SVEP1: variants seen among roughly 807,000 people sequenced by gnomAD.
The protein encoded by SVEP1 is sushi, von Willebrand factor type A, EGF and pentraxin domain-containing protein 1.
A neutral mutation model predicts 367.3 loss-of-function variants in SVEP1; 164 were observed. The ratio of observed to expected loss-of-function variants is 0.45; its 90% CI spans 0.39 to 0.51. The LOEUF is 0.51. Among genes scored for constraint, SVEP1 ranks in the 20% least tolerant of loss-of-function variants. SVEP1 has a pLI of 0.00. For missense variants in SVEP1, 4,117 were observed against 4,425.3 expected (o/e 0.93, Z 1.98); for synonymous variants, 1,666 against 1,611.6 (o/e 1.03, Z -0.81).
Position 110,366,489 on chromosome 9 carries a change from C to G in SVEP1, c.*50G>C, listed in dbSNP as rs375581243. On this transcript the variant is annotated 3_prime_UTR_variant, in exon 48 of 48. Coordinates refer to ENST00000374469, the MANE Select transcript of SVEP1 (RefSeq NM_153366.4). ...TAAGTTCCAGGATGCCCAGGCACTACCGAGGAGAGATGATCCTGCTTTTGG... is the reference window on the plus strand; with the variant it reads ...TAAGTTCCAGGATGCCCAGGCACTAGCGAGGAGAGATGATCCTGCTTTTGG... The G allele has an allele frequency of 5.0e-5, 77 of 1,528,490 alleles. No homozygotes were observed. In the African/African-American group the frequency reaches 1.0e-3, roughly 20 times the overall value. 94.7% of individuals were successfully genotyped at this position (1,528,490 alleles called of 1,614,324 possible). A position where few individuals can be genotyped will look rare whatever the true frequency, so the allele number is the denominator to read the frequency against.
Position 110,366,666 on chromosome 9 carries a change from T to C in SVEP1, c.10695-106A>G, listed in dbSNP as rs983196363. The C allele has an allele frequency of 2.2e-5, 24 of 1,112,108 alleles. No homozygotes were observed. In the African/African-American group the frequency reaches 3.7e-4, roughly 17 times the overall value. The allele number at this position is 1,112,108 out of a possible 1,614,324, so 68.9% of individuals were successfully genotyped here. On this transcript the variant is annotated intron_variant, in intron 47 of 47. Coordinates refer to ENST00000374469, the MANE Select transcript of SVEP1 (RefSeq NM_153366.4). ...TGAAAACAGGATTGAAAGTCCCAGA[T>C]ACCTGGGCATTATCTGTGATGTTTA...
At position 110,557,149 on chromosome 9, in the gene SVEP1, A is replaced by T. The variant is rs1327196104; in HGVS notation, c.532-7045T>A. Among the ~76,000 whole-genome samples the T allele has an allele frequency of 2.0e-5, 3 of 152,314 alleles. No homozygotes were observed. In the East Asian group the frequency reaches 5.8e-4, roughly 29 times the overall value. ...ATTTAACATTATTTATGGGAAAAGA[A>T]TCTATTCTGTTCATTGTTTTCTGGA... On this transcript the variant is annotated intron_variant, in intron 1 of 47. Coordinates refer to ENST00000374469, the MANE Select transcript of SVEP1 (RefSeq NM_153366.4).
At position 110,407,515 on chromosome 9, in the gene SVEP1, A is replaced by G. The variant is rs749152132; in HGVS notation, c.8085T>C (p.Pro2695=). The stretch of plus-strand genomic sequence containing the variant: ...TTCCATCTTCCTGGCAGATCAGCAC[A>G]GGGTTCCCCAGAAGTTCATATCCTG... The part of the protein sequence containing the change: ...CNPGYELLGN[P]VLICQEDGTW... Residue 2695 remains proline, a synonymous_variant, in exon 38 of 48, where the codon CCT becomes CCC. Transcript: ENST00000374469. 1.2e-6 allele frequency: 2 copies of G among 1,614,012 alleles called. No homozygotes were observed. Among genetic ancestry groups the G allele is most frequent in the East Asian group, 4.5e-5 (2 of 44,878 alleles).
intron 42 of SVEP1, among the ~76,000 whole-genome samples, 167 bp from the exon 43 acceptor site, chr9:110,386,241 C>T (rs1015492514): frequency 2.6e-5 from 4 of 152,118 alleles, no homozygotes; most frequent in Non-Finnish European, 5.9e-5. Context: ...TTTGCATCCT[C>T]ATGAAATTAT....
At position 110,558,308 on chromosome 9, in the gene SVEP1, G is replaced by A. The variant is rs2118865827; in HGVS notation, c.532-8204C>T. Among the ~76,000 whole-genome samples the A allele has an allele frequency of 1.5e-5, 2 of 137,210 alleles. 1 individual carries two copies. The highest frequency in any genetic ancestry group is 4.9e-4 in the South Asian group (2 of 4,090). 90.0% of individuals were successfully genotyped at this position (137,210 alleles called of 152,430 possible). ...GCCCAGGAGTTCAAGACCAGGCTGG[G>A]CAACATGGAGAAACCCTGTCTCTAC... On this transcript the variant is annotated intron_variant, in intron 1 of 47. Transcript: ENST00000374469.
At chr9:110,395,240 T>C (rs1827738340) in intron 40 of SVEP1, among the ~76,000 whole-genome samples, 1 of 152,150 alleles carries the variant, frequency 6.6e-6, no homozygotes, top group African/African-American at 2.4e-5. Context: ...GAATTTCATA[T>C]CCAGCCAAAC....
At chr9:110,513,164 CTT>C (rs371135144) in intron 4 of SVEP1, 59 bp from the exon 5 acceptor site, 913 of 1,130,522 alleles carry the variant, frequency 8.1e-4, no homozygotes, top group Admixed American at 1.2e-3. Context: ...ATGACATATC[CTT>C]TTTTTTTTTT....
chr9:110,483,167 G>C (rs1829221653), intron 10 of SVEP1, among the ~76,000 whole-genome samples: 1 of 152,080 alleles, frequency 6.6e-6, no homozygotes, highest in Non-Finnish European at 1.5e-5. Context: ...AATTGTATTT[G>C]CTTAGTTTTT....
At chr9:110,507,406 CTGTT>C (rs915123830) in intron 5 of SVEP1, among the ~76,000 whole-genome samples, 2 of 152,202 alleles carry the variant, frequency 1.3e-5, no homozygotes, top group Non-Finnish European at 2.9e-5. Context: ...ATTGAAGTCA[CTGTT>C]TGAATTTATT....
intron 35 of SVEP1, among the ~76,000 whole-genome samples, chr9:110,428,799 G>A (rs1588048444): frequency 6.6e-6 from 1 of 152,122 alleles, no homozygotes. Flanking sequence ...ATACAGGCAC[G>A]GTGGCTCACA....
rs1276566612 is a variant in SVEP1 at position 110,429,950 on chromosome 9, G to A, written c.5585C>T (p.Ala1862Val). Residue 1862 changes from alanine to valine, a missense_variant, in exon 34 of 48, where the codon GCA becomes GTA. Physicochemically the swap from Ala to Val is moderately conservative, Grantham distance 64 (BLOSUM62 0). Coordinates refer to ENST00000374469, the MANE Select transcript of SVEP1 (RefSeq NM_153366.4). ...TGTCACTTTGCTGCCAAAAGTAAAT[G>A]CTAACTCCTCAATGCAACCATTTTC... The part of the protein sequence containing the change: ...IPENGCIEEL[A>V]FTFGSKVTYR... 3 of 1,612,720 alleles carry A rather than the reference G, an allele frequency of 1.9e-6. No individual in the cohort carries two copies. The highest frequency in any genetic ancestry group is 2.5e-6 in the Non-Finnish European group (3 of 1,179,748).
chr9:110,485,014 A>T (rs1254701696), intron 9 of SVEP1, among the ~76,000 whole-genome samples: 1 of 152,240 alleles, frequency 6.6e-6, no homozygotes, highest in Non-Finnish European at 1.5e-5. Context: ...ACCGTTGTGG[A>T]TGACAATGTG....
intron 27 of SVEP1, among the ~76,000 whole-genome samples, chr9:110,438,759 T>C (rs1828469846): frequency 6.6e-6 from 1 of 152,220 alleles, no homozygotes; most frequent in Non-Finnish European, 1.5e-5. Context: ...AGTTTCTAAA[T>C]TGTTTCCCAG....
chr9:110,443,760 A>G (rs1588055857), intron 26 of SVEP1, 40 bp from the exon 27 acceptor site: 4 of 1,498,264 alleles, frequency 2.7e-6, no homozygotes, highest in Non-Finnish European at 3.6e-6. Flanking sequence ...GTCATTAGCC[A>G]TATGTTGCAA....
rs1201752382 is a variant in SVEP1 at position 110,407,311 on chromosome 9, C to G, written c.8289G>C (p.Trp2763Cys). 1.2e-6 allele frequency: 2 copies of G among 1,613,878 alleles called. No homozygotes were observed. The highest frequency in any genetic ancestry group is 3.3e-5 in the Admixed American group (2 of 59,998). ...DLRLCLENRK[W>C]SGASPRCEAI... Reference sequence around the variant, plus strand: ...CTTCACAGCGTGGGGAGGCACCACTCCACTTTCTATTCTCTAGACAAAGCC... The same window carrying G: ...CTTCACAGCGTGGGGAGGCACCACTGCACTTTCTATTCTCTAGACAAAGCC... Residue 2763 changes from tryptophan to cysteine, a missense_variant, in exon 38 of 48, where the codon TGG becomes TGC. Physicochemically the swap from Trp to Cys is radical, Grantham distance 215. This residue lies in a region of SVEP1 where 1,765 missense variants were observed against 1,781.1 expected (regional missense o/e 0.99). Transcript: ENST00000374469.
chr9:110,448,136 T>TGC (rs1828632477), intron 24 of SVEP1, among the ~76,000 whole-genome samples: 1 of 70,102 alleles, frequency 1.4e-5, no homozygotes, highest in Admixed American at 1.7e-4. Flanking sequence ...TGAATGTGTG[T>TGC]GTGTGTGTGT....
chr9:110,545,601 A>G (rs1277965849), intron 3 of SVEP1, among the ~76,000 whole-genome samples: 1 of 152,214 alleles, frequency 6.6e-6, no homozygotes, highest in Non-Finnish European at 1.5e-5. Context: ...GCCTGGGGAC[A>G]AGAATTCCAC....
intron 3 of SVEP1, among the ~76,000 whole-genome samples, chr9:110,535,988 C>A (rs933314133): frequency 6.6e-6 from 1 of 152,042 alleles, no homozygotes; most frequent in African/African-American, 2.4e-5. Context: ...CTGGCCAGGA[C>A]TTCCAATACT....
At chr9:110,405,499 C>T (rs936496418) in intron 38 of SVEP1, among the ~76,000 whole-genome samples, 14 of 150,962 alleles carry the variant, frequency 9.3e-5, no homozygotes, top group South Asian at 2.1e-4. Flanking sequence ...TGAATACCTA[C>T]GTGGACTCAG....
Sources: gnomAD v4.1 joint callset for allele counts (sites outside exome capture counted in the v4.1 genomes callset) on GRCh38, gnomAD v4.1.1 for gene constraint, gnomAD v4.1.1 regional missense constraint, MANE v1.5 for transcripts, NCBI Gene and HGNC (gene_info 2026-07-23, HGNC 2026-07-21) for gene names.